MGST1: variants seen among roughly 807,000 people sequenced by gnomAD.
The protein encoded by MGST1 is glutathione S-transferase 12.
MGST1 carries 5 observed loss-of-function variants against 8.9 expected under a neutral mutation model. That is an observed-to-expected ratio of 0.56 (90% CI 0.29 to 1.19). The LOEUF (loss-of-function observed/expected upper bound fraction) is 1.19, where lower values mean the gene tolerates loss of function less well. Ranked by LOEUF, MGST1 falls within the 50% of genes most tolerant of loss-of-function variation. MGST1 has a pLI of 0.08. For synonymous variants in MGST1, 54 were observed against 67.8 expected, an observed-to-expected ratio of 0.80 and a Z score of 1.00; for missense variants, 182 against 187.4, an observed-to-expected ratio of 0.97 and a Z score of 0.17.
chr12:16,468,804 G>A (rs1474937370), intron 4 of MGST1, among the ~76,000 whole-genome samples: 1 of 152,212 alleles, frequency 6.6e-6, no homozygotes, highest in African/African-American at 2.4e-5. Context: ...TCCACCCTCT[G>A]GTGTTAGGAC....
chr12:16,360,313 G>A, intron 3 of MGST1: 1 of 983,766 alleles, frequency 1.0e-6, no homozygotes, highest in Non-Finnish European at 1.2e-6. Context: ...TTGTAAAGCT[G>A]TTACGATTAG....
At chr12:16,456,718 T>C (rs1261909320) in intron 4 of MGST1, among the ~76,000 whole-genome samples, 1 of 151,940 alleles carries the variant, frequency 6.6e-6, no homozygotes, top group Non-Finnish European at 1.5e-5. Flanking sequence ...TACTCCTTAG[T>C]TTATATTCTC....
intron 4 of MGST1, among the ~76,000 whole-genome samples, chr12:16,524,823 T>C (rs1941671943): frequency 6.6e-6 from 1 of 152,098 alleles, no homozygotes; most frequent in South Asian, 2.1e-4. Context: ...ACCATAATTA[T>C]ATATTAGTCT....
chr12:16,431,603 T>C (rs1462531823), intron 1 of MGST1, among the ~76,000 whole-genome samples: 2 of 152,084 alleles, frequency 1.3e-5, no homozygotes, highest in African/African-American at 4.8e-5. Flanking sequence ...CACCATCTTG[T>C]ATGGGCGCAG....
chr12:16,404,459 T>C (rs1940683568), intron 1 of MGST1, among the ~76,000 whole-genome samples: 1 of 152,090 alleles, frequency 6.6e-6, no homozygotes, highest in Non-Finnish European at 1.5e-5. Context: ...TTTGAATTTA[T>C]ACCTATGATT....
chr12:16,427,659 G>A (rs772607100), intron 1 of MGST1, among the ~76,000 whole-genome samples: 3 of 152,176 alleles, frequency 2.0e-5, no homozygotes, highest in African/African-American at 7.2e-5. Context: ...TGGGATTACC[G>A]GCATGAGCCA....
rs766384366 is a variant in MGST1, at chr12:16,559,299, GTATA to G, written n.483-30226_483-30223del. On this transcript the variant is annotated intron_variant and non_coding_transcript_variant, in intron 4 of 4. Transcript: ENST00000538857. This position sits in a 1 kb window ranked among gnomAD's most constrained non-coding sequence, Gnocchi z 4.1. ...TTATCATATAAAACAGGTGCCAGTA[GTATA>G]TAGTTTTCACAGAAATAAAAAATAT... is the stretch of plus-strand genomic sequence containing the variant. Among the ~76,000 whole-genome samples, 1 of 152,088 alleles carries G rather than the reference GTATA, an allele frequency of 6.6e-6. No homozygotes were observed. Among genetic ancestry groups the G allele is most frequent in the East Asian group, 1.9e-4 (1 of 5,196 alleles).
downstream of MGST1, among the ~76,000 whole-genome samples, chr12:16,366,151 G>A (rs192212249): frequency 1.1e-4 from 16 of 152,234 alleles, no homozygotes; most frequent in Non-Finnish European, 1.6e-4. The surrounding 1 kb of genome is among the most constrained non-coding windows in gnomAD (Gnocchi z 4.0). Context: ...GGAAAAGGAC[G>A]TTTAAATTTT....
At chr12:16,469,404 G>C (rs909747222) in intron 4 of MGST1, among the ~76,000 whole-genome samples, 3 of 151,986 alleles carry the variant, frequency 2.0e-5, no homozygotes, top group Non-Finnish European at 2.9e-5. Flanking sequence ...GACTAGACTG[G>C]TCTCAAACTC....
At chr12:16,421,048 C>G (rs1011898799) in intron 1 of MGST1, among the ~76,000 whole-genome samples, 1 of 152,156 alleles carries the variant, frequency 6.6e-6, no homozygotes, top group Non-Finnish European at 1.5e-5. Context: ...TCCTCTGCTA[C>G]ACATTTTCCC....
At chr12:16,562,925 C>G (rs1447526546) in intron 4 of MGST1, among the ~76,000 whole-genome samples, 1 of 152,148 alleles carries the variant, frequency 6.6e-6, no homozygotes, top group African/African-American at 2.4e-5. Context: ...AATTTGTTGC[C>G]CTCCAATTTA....
intron 1 of MGST1, among the ~76,000 whole-genome samples, chr12:16,395,964 C>T (rs1940602207): frequency 1.3e-5 from 2 of 152,028 alleles, no homozygotes; most frequent in South Asian, 2.1e-4. Flanking sequence ...TCTGCGTAGA[C>T]ACCCAGTAGT....
chr12:16,557,053 A>G (rs1022585196), intron 4 of MGST1, among the ~76,000 whole-genome samples: 1 of 152,202 alleles, frequency 6.6e-6, no homozygotes, highest in Admixed American at 6.5e-5. Context: ...CTGAGGAGAC[A>G]GACTTAATTG....
At chr12:16,469,985 C>T (rs541192966) in intron 4 of MGST1, among the ~76,000 whole-genome samples, 4 of 152,108 alleles carry the variant, frequency 2.6e-5, no homozygotes, top group Non-Finnish European at 5.9e-5. Flanking sequence ...AAAGAGTGAA[C>T]TCATCCTAAG....
chr12:16,461,408 C>A (rs990394371), intron 4 of MGST1, among the ~76,000 whole-genome samples: 5 of 152,140 alleles, frequency 3.3e-5, no homozygotes, highest in African/African-American at 1.2e-4. Flanking sequence ...AACAGTTTAT[C>A]AGACGTACAA....
chr12:16,508,415 A>T (rs1941555283), intron 4 of MGST1, among the ~76,000 whole-genome samples: 1 of 152,188 alleles, frequency 6.6e-6, no homozygotes. Flanking sequence ...GGTCTCTGTC[A>T]GCCCCAGGAG....
chr12:16,422,733 T>A (rs999275871), intron 1 of MGST1, among the ~76,000 whole-genome samples: 6 of 152,196 alleles, frequency 3.9e-5, no homozygotes, highest in Non-Finnish European at 8.8e-5. Flanking sequence ...GGATACAAGA[T>A]CAGAGTTTAT....
downstream of MGST1, among the ~76,000 whole-genome samples, chr12:16,369,320 C>T (rs1406816529): frequency 1.3e-5 from 2 of 152,108 alleles, no homozygotes; most frequent in African/African-American, 2.4e-5. The surrounding 1 kb of genome is among the most constrained non-coding windows in gnomAD (Gnocchi z 4.8). Flanking sequence ...GACTCAGTGG[C>T]TTTGCTAATG....
intron 4 of MGST1, among the ~76,000 whole-genome samples, chr12:16,450,935 A>C (rs1054837385): frequency 6.6e-6 from 1 of 151,820 alleles, no homozygotes; most frequent in African/African-American, 2.4e-5. Context: ...TAGTACAATT[A>C]TCTGAATTTG....
Sources: gnomAD v4.1 joint callset for allele counts (sites outside exome capture counted in the v4.1 genomes callset) on GRCh38, gnomAD v4.1.1 for gene constraint, Gnocchi (gnomAD v3.1) non-coding constraint, MANE v1.5 for transcripts, NCBI Gene and HGNC (gene_info 2026-07-23, HGNC 2026-07-21) for gene names.